Variants in EDIL3 observed in about 807,000 individuals in gnomAD.
EDIL3 encodes the protein EGF-like repeat and discoidin I-like domain-containing protein 3.
Under a neutral mutation model 67.4 loss-of-function variants are expected in EDIL3, and 37 were observed. The ratio of observed to expected loss-of-function variants is 0.55; its 90% CI spans 0.42 to 0.72. The LOEUF is 0.72. Among genes scored for constraint, EDIL3 ranks in the 30% least tolerant of loss-of-function variants. The pLI is 0.00. For synonymous variants in EDIL3, 195 were observed against 196.3 expected (o/e 0.99, Z 0.05); for missense variants, 527 against 586.3 (o/e 0.90, Z 1.04).
intron 9 of EDIL3, among the ~76,000 whole-genome samples, chr5:84,020,522 G>A (rs144921854): frequency 1.3e-5 from 2 of 151,804 alleles, no homozygotes; most frequent in East Asian, 1.9e-4. Flanking sequence ...ATTCTTCTTC[G>A]CATCTCTTTA....
At chr5:84,216,237 G>A (rs549442653) in intron 3 of EDIL3, among the ~76,000 whole-genome samples, 1 of 152,318 alleles carries the variant, frequency 6.6e-6, no homozygotes, top group South Asian at 2.1e-4. Context: ...ATGCAAGTAT[G>A]TAAAATGGAT....
chr5:84,291,691 T>G (rs937057869), intron 1 of EDIL3, among the ~76,000 whole-genome samples: 1 of 147,080 alleles, frequency 6.8e-6, no homozygotes, highest in African/African-American at 2.5e-5. Flanking sequence ...TAGATATATC[T>G]ATATATCTAT....
chr5:84,266,946 T>A (rs1477422797), intron 1 of EDIL3, among the ~76,000 whole-genome samples: 1 of 152,220 alleles, frequency 6.6e-6, no homozygotes. Flanking sequence ...ATGGGTATTA[T>A]CACATTTAAG....
chr5:84,068,083 A>C (rs1302924074), intron 6 of EDIL3, among the ~76,000 whole-genome samples: 1 of 152,214 alleles, frequency 6.6e-6, no homozygotes, highest in Non-Finnish European at 1.5e-5. Flanking sequence ...ATCTACATTT[A>C]TCTCCATTAG....
At chr5:84,275,841 C>T (rs1024938108) in intron 1 of EDIL3, among the ~76,000 whole-genome samples, 12 of 152,274 alleles carry the variant, frequency 7.9e-5, no homozygotes, top group Non-Finnish European at 1.0e-4. Flanking sequence ...AAAACAAAGA[C>T]CTGATAGGTA....
intron 8 of EDIL3, among the ~76,000 whole-genome samples, chr5:84,061,915 A>T (rs1285450609): frequency 6.6e-6 from 1 of 152,086 alleles, no homozygotes; most frequent in East Asian, 1.9e-4. Context: ...GGTGCTTTAG[A>T]ACTCTTCATT....
intron 1 of EDIL3, among the ~76,000 whole-genome samples, chr5:84,374,834 C>A (rs1747932611): frequency 6.6e-6 from 1 of 152,078 alleles, no homozygotes; most frequent in Admixed American, 6.5e-5. Flanking sequence ...CTTGCTGCCA[C>A]GTGAAGAAGG....
chr5:83,993,996 G>C (rs1221633551), intron 9 of EDIL3, among the ~76,000 whole-genome samples: 1 of 152,090 alleles, frequency 6.6e-6, no homozygotes, highest in Non-Finnish European at 1.5e-5. Context: ...TGGCCACTGT[G>C]GTCCCTAATG....
chr5:84,078,606 T>C (rs1746906717), intron 6 of EDIL3: 1 of 152,144 alleles, frequency 6.6e-6, no homozygotes, highest in Non-Finnish European at 1.5e-5. Flanking sequence ...AACAATTTAA[T>C]ATTAAATGGC....
chr5:84,205,299 T>A (rs894060754), intron 3 of EDIL3, among the ~76,000 whole-genome samples: 1 of 152,130 alleles, frequency 6.6e-6, no homozygotes, highest in African/African-American at 2.4e-5. Context: ...TTTGTGTGGA[T>A]TTTAGACACC....
At chr5:84,253,815 A>G (rs1303709858) in intron 2 of EDIL3, among the ~76,000 whole-genome samples, 8 of 151,702 alleles carry the variant, frequency 5.3e-5, no homozygotes, top group Admixed American at 3.9e-4. Context: ...TTAATATTAG[A>G]AATATAAGAA....
At chr5:84,174,185 T>C (rs566070671) in intron 4 of EDIL3, among the ~76,000 whole-genome samples, 2 of 152,246 alleles carry the variant, frequency 1.3e-5, no homozygotes, top group East Asian at 3.9e-4. Flanking sequence ...GAACAAAGTT[T>C]CATTAAAGAG....
chr5:84,343,799 G>A (rs1319409304), intron 1 of EDIL3, among the ~76,000 whole-genome samples: 2 of 151,966 alleles, frequency 1.3e-5, no homozygotes, highest in African/African-American at 4.8e-5. Context: ...AATAGAACCT[G>A]GGAAAGAAGT....
At chr5:84,027,576 A>ATT in intron 9 of EDIL3, among the ~76,000 whole-genome samples, 2 of 151,448 alleles carry the variant, frequency 1.3e-5, no homozygotes, top group Admixed American at 6.6e-5. Flanking sequence ...ATTTTATTTT[A>ATT]TTAAGTGTAA....
rs561746444 is a variant in EDIL3 at position 84,076,700 on chromosome 5, T to C, written c.652-10094A>G. ...AGTTTTCCAAAATTATAAATTTCAC[T>C]TGAAATTTCCAATTTTATAACTAGC... On this transcript the variant is annotated intron_variant, in intron 6 of 10. Coordinates refer to ENST00000296591, the MANE Select transcript of EDIL3 (RefSeq NM_005711.5). 3.9e-5 allele frequency among the ~76,000 whole-genome samples: 6 copies of C among 152,336 alleles called. 1 individual carries two copies. In the South Asian group the frequency reaches 1.2e-3, roughly 32 times the overall value.
intron 1 of EDIL3, among the ~76,000 whole-genome samples, chr5:84,352,364 G>C (rs1355201482): frequency 6.6e-6 from 1 of 152,108 alleles, no homozygotes; most frequent in Non-Finnish European, 1.5e-5. Flanking sequence ...ATTCACAATA[G>C]CAAAGTCATG....
chr5:84,337,898 T>C (rs1038150548), intron 1 of EDIL3, among the ~76,000 whole-genome samples: 7 of 152,140 alleles, frequency 4.6e-5, no homozygotes, highest in African/African-American at 1.7e-4. Flanking sequence ...CATAATAAAA[T>C]CCGAGGTTAT....
At chr5:84,075,430 A>G (rs972857347) in intron 6 of EDIL3, among the ~76,000 whole-genome samples, 4 of 152,110 alleles carry the variant, frequency 2.6e-5, no homozygotes, top group Non-Finnish European at 5.9e-5. Context: ...AATCTGGGGG[A>G]AGATATTTGC....
chr5:84,148,878 G>A (rs1748333381), intron 4 of EDIL3, among the ~76,000 whole-genome samples: 1 of 151,522 alleles, frequency 6.6e-6, no homozygotes, highest in Non-Finnish European at 1.5e-5. Flanking sequence ...TGATAATTTT[G>A]GGATTCATGA....
Sources: allele counts gnomAD v4.1 joint callset (sites outside exome capture counted in the v4.1 genomes callset), GRCh38; gene constraint gnomAD v4.1.1; transcripts MANE v1.5; gene names NCBI Gene and HGNC (gene_info 2026-07-23, HGNC 2026-07-21).